HCRTR2: variants seen among roughly 807,000 people sequenced by gnomAD.
HCRTR2 encodes the protein hypocretin receptor 2.
Under a neutral mutation model 49.0 loss-of-function variants are expected in HCRTR2, and 22 were observed. The ratio of observed to expected loss-of-function variants is 0.45; its 90% confidence interval spans 0.32 to 0.64. The LOEUF (loss-of-function observed/expected upper bound fraction) is 0.64, where lower values mean the gene tolerates loss of function less well. HCRTR2 is among the 30% of genes least tolerant of loss of function. The pLI is 0.04. For synonymous variants in HCRTR2, 236 were observed against 205.3 expected, an observed-to-expected ratio of 1.15 and a Z score of -1.28; for missense variants, 491 against 559.4, an observed-to-expected ratio of 0.88 and a Z score of 1.23.
intron 1 of HCRTR2, among the ~76,000 whole-genome samples, chr6:55,226,491 T>G (rs1766006694): frequency 6.6e-6 from 1 of 151,844 alleles, no homozygotes. Context: ...GTATTTTTAG[T>G]AGAGATGGGG....
At chr6:55,124,734 T>C (rs1356428365) in intron 1 of HCRTR2, among the ~76,000 whole-genome samples, 1 of 152,136 alleles carries the variant, frequency 6.6e-6, no homozygotes. Flanking sequence ...ACTATTATTG[T>C]GTGGTAGTCT....
chr6:55,209,034 T>A (rs1765653231), intron 1 of HCRTR2, among the ~76,000 whole-genome samples: 2 of 152,220 alleles, frequency 1.3e-5, no homozygotes, highest in Admixed American at 1.3e-4. Flanking sequence ...ATGCATTTTC[T>A]AAGATAACTA....
At chr6:55,204,498 G>A (rs1374863756) in intron 1 of HCRTR2, among the ~76,000 whole-genome samples, 1 of 152,236 alleles carries the variant, frequency 6.6e-6, no homozygotes, top group East Asian at 1.9e-4. Flanking sequence ...GGGGCAAAGA[G>A]TGGAAGCAGG....
intron 1 of HCRTR2, among the ~76,000 whole-genome samples, chr6:55,224,650 C>T (rs976658955): frequency 6.7e-6 from 1 of 149,594 alleles, no homozygotes; most frequent in Admixed American, 6.6e-5. Flanking sequence ...GGAAAGAAAA[C>T]GTGGTATATA....
At chr6:55,271,740 T>C (rs985723171) in intron 4 of HCRTR2, among the ~76,000 whole-genome samples, 1 of 152,080 alleles carries the variant, frequency 6.6e-6, no homozygotes, top group African/African-American at 2.4e-5. Flanking sequence ...GCAAAGAAGA[T>C]ATACAAATGG....
At chr6:55,120,579 T>C (rs1326696445) in intron 1 of HCRTR2, among the ~76,000 whole-genome samples, 2 of 150,316 alleles carry the variant, frequency 1.3e-5, no homozygotes, top group Non-Finnish European at 2.9e-5. Flanking sequence ...ATAGGAATGC[T>C]TGTGATTTTT....
Position 55,255,350 on chromosome 6 carries a change from T to G in HCRTR2, c.617T>G (p.Leu206Arg). 6.2e-7 allele frequency: 1 copy of G among 1,614,036 alleles called. No homozygotes were observed. The highest frequency in any genetic ancestry group is 1.1e-5 in the South Asian group (1 of 91,078). Residue 206 changes from leucine (L) to arginine (R), a missense_variant, in exon 3 of 7, where the codon CTC becomes CGC. Physicochemically the swap from Leu to Arg is moderately radical, Grantham distance 102. Coordinates refer to ENST00000370862, the MANE Select transcript of HCRTR2 (RefSeq NM_001384272.1). Reference sequence around the variant, plus strand: ...CCAGGCTTAGCCAATAAAACCACCCTCTTTACGGTGTGTGATGAGCGCTGG... The same window carrying G: ...CCAGGCTTAGCCAATAAAACCACCCGCTTTACGGTGTGTGATGAGCGCTGG... ...VFPGLANKTT[L>R]FTVCDERWGG...
At chr6:55,123,227 C>T (rs560742820) in intron 1 of HCRTR2, among the ~76,000 whole-genome samples, 92 of 151,996 alleles carry the variant, frequency 6.1e-4, no homozygotes, top group African/African-American at 2.1e-3. Flanking sequence ...GGAATGCTTC[C>T]AGGTTTTGCC....
intron 1 of HCRTR2, among the ~76,000 whole-genome samples, chr6:55,131,547 T>C (rs1250909262): frequency 6.6e-6 from 1 of 151,746 alleles, no homozygotes; most frequent in Non-Finnish European, 1.5e-5. Context: ...AAATTTAAAG[T>C]CATTAATACC....
chr6:55,225,531 A>G (rs539792231), intron 1 of HCRTR2, among the ~76,000 whole-genome samples: 1 of 152,318 alleles, frequency 6.6e-6, no homozygotes, highest in African/African-American at 2.4e-5. Context: ...ATGCTTCTTG[A>G]GAGATTCTAA....
upstream of HCRTR2, among the ~76,000 whole-genome samples, chr6:55,171,852 A>G (rs1036833949): frequency 2.6e-5 from 4 of 152,232 alleles, no homozygotes; most frequent in Non-Finnish European, 5.9e-5. Flanking sequence ...ATGAAAGCTA[A>G]TGACACTGAC....
At chr6:55,170,828 C>T (rs763140032), upstream of HCRTR2, among the ~76,000 whole-genome samples, 15 of 145,870 alleles carry the variant, frequency 1.0e-4, no homozygotes, top group South Asian at 2.2e-4. Context: ...TGAGAACATA[C>T]GGTGTTTGGT....
intron 1 of HCRTR2, among the ~76,000 whole-genome samples, chr6:55,216,606 T>TC (rs757292114): frequency 9.9e-4 from 150 of 152,190 alleles, no homozygotes; most frequent in Non-Finnish European, 6.5e-4. Context: ...TAAAGAATAC[T>TC]CTTTTTTGGG....
At chr6:55,194,925 A>G (rs1042118803) in intron 1 of HCRTR2, among the ~76,000 whole-genome samples, 23 of 152,156 alleles carry the variant, frequency 1.5e-4, no homozygotes, top group African/African-American at 4.3e-4. Flanking sequence ...CAATCATAAC[A>G]GAAGACAAAA....
chr6:55,185,349 A>T (rs924375638), intron 1 of HCRTR2, among the ~76,000 whole-genome samples: 1 of 152,186 alleles, frequency 6.6e-6, no homozygotes, highest in Non-Finnish European at 1.5e-5. Context: ...TGACTCAGAG[A>T]TTCCTGAAAA....
chr6:55,191,206 C>T (rs533463374), intron 1 of HCRTR2, among the ~76,000 whole-genome samples: 19 of 152,232 alleles, frequency 1.2e-4, no homozygotes, highest in South Asian at 2.1e-4. Flanking sequence ...GTTATTAGTG[C>T]GTACATTGGT....
chr6:55,282,687 C>A, downstream of HCRTR2: 2 of 510,930 alleles, frequency 3.9e-6, no homozygotes, highest in South Asian at 4.9e-5. Context: ...CAGGCTATTT[C>A]ACTTTTAGTT....
intron 1 of HCRTR2, among the ~76,000 whole-genome samples, chr6:55,167,467 G>A (rs1764893229): frequency 6.6e-6 from 1 of 151,808 alleles, no homozygotes. Flanking sequence ...TGCCCCACCT[G>A]CTGCTCACCT....
At chr6:55,173,522 C>T (rs903046571), upstream of HCRTR2, among the ~76,000 whole-genome samples, 5 of 152,144 alleles carry the variant, frequency 3.3e-5, no homozygotes, top group Non-Finnish European at 7.4e-5. Context: ...AGAGACAAAA[C>T]CAGTGCATGA....
Sources: allele counts gnomAD v4.1 joint callset (sites outside exome capture counted in the v4.1 genomes callset), GRCh38; gene constraint gnomAD v4.1.1; transcripts MANE v1.5; gene names NCBI Gene and HGNC (gene_info 2026-07-23, HGNC 2026-07-21).